TENM3: variants seen among roughly 807,000 people sequenced by gnomAD.
TENM3 encodes the protein teneurin transmembrane protein 3.
Under a neutral mutation model 255.1 loss-of-function variants are expected in TENM3, and 63 were observed. The observed-to-expected ratio is 0.25, with a 90% CI of 0.20 to 0.30. The LOEUF (loss-of-function observed/expected upper bound fraction) is 0.30. TENM3 is among the 10% of genes least tolerant of loss of function. TENM3 has a pLI of 1.00. For missense variants in TENM3, 2,929 were observed against 3,461.1 expected (o/e 0.85, Z 3.86); for synonymous variants, 1,306 against 1,322.3 (o/e 0.99, Z 0.27).
intron 3 of TENM3, among the ~76,000 whole-genome samples, chr4:182,359,555 C>T (rs1465118825): frequency 1.3e-4 from 19 of 149,868 alleles, no homozygotes; most frequent in Non-Finnish European, 2.2e-4. Context: ...TCTGTGGGAT[C>T]GGTGGTGATA....
the TENM3 span, among the ~76,000 whole-genome samples, chr4:181,993,938 G>C: frequency 6.6e-6 from 1 of 152,002 alleles, no homozygotes; most frequent in Admixed American, 6.6e-5. Context: ...GAAGACTTAG[G>C]GGAAATATTA....
At chr4:181,676,906 A>ACC in the TENM3 span, among the ~76,000 whole-genome samples, 1 of 151,430 alleles carries the variant, frequency 6.6e-6, no homozygotes, top group Admixed American at 6.6e-5. Context: ...TTCATTCATG[A>ACC]CCCACCTTAT....
the TENM3 span, among the ~76,000 whole-genome samples, chr4:182,024,993 C>A: frequency 6.6e-6 from 1 of 150,756 alleles, no homozygotes; most frequent in South Asian, 2.1e-4. Context: ...CCAGTTCCAT[C>A]CATGTTGTTG....
intron 1 of TENM3, among the ~76,000 whole-genome samples, chr4:182,159,653 G>A (rs955124294): frequency 8.5e-5 from 13 of 152,096 alleles, no homozygotes; most frequent in African/African-American, 2.7e-4. Context: ...ATGGATCCCT[G>A]GCTTGCCAAG....
the TENM3 span, among the ~76,000 whole-genome samples, chr4:181,528,782 G>A: frequency 3.3e-5 from 5 of 152,296 alleles, no homozygotes; most frequent in Admixed American, 3.3e-4. Flanking sequence ...CCTAGTGCAA[G>A]TGTGCATACA....
chr4:182,728,864 A>T, intron 13 of TENM3, 101 bp from the exon 14 acceptor site: 2 of 801,992 alleles, frequency 2.5e-6, no homozygotes, highest in Non-Finnish European at 3.8e-6. Context: ...GGGAGAAATC[A>T]CTTGATGTGA....
chr4:182,415,222 T>C (rs1770282981), intron 3 of TENM3, among the ~76,000 whole-genome samples: 1 of 152,336 alleles, frequency 6.6e-6, no homozygotes, highest in Non-Finnish European at 1.5e-5. Context: ...TCAAGCCTCA[T>C]GGCACATTTG....
At chr4:182,234,135 T>C (rs544609646) in intron 1 of TENM3, among the ~76,000 whole-genome samples, 8 of 152,304 alleles carry the variant, frequency 5.3e-5, no homozygotes, top group Admixed American at 5.2e-4. Flanking sequence ...TCATGGCACC[T>C]GTCAGTTCTT....
chr4:181,644,838 A>G, the TENM3 span, among the ~76,000 whole-genome samples: 1 of 152,186 alleles, frequency 6.6e-6, no homozygotes, highest in Non-Finnish European at 1.5e-5. Flanking sequence ...CCTGGAATGT[A>G]GCTAAAGAAA....
At position 182,789,043 on chromosome 4, in the gene TENM3, G is replaced by A. The variant is rs77672009; in HGVS notation, c.5305-50G>A. 55 of 1,478,806 alleles carry A rather than the reference G, an allele frequency of 3.7e-5. No homozygotes were observed. In the East Asian group the frequency reaches 8.2e-4, roughly 22 times the overall value. 91.6% of individuals were successfully genotyped at this position (1,478,806 alleles called of 1,614,324 possible). A position where few individuals can be genotyped will look rare whatever the true frequency, so the allele number is the denominator to read the frequency against. ...GTGTTTAAACAATACTGGGGACTCC[G>A]GTGTTGGAATAACATGATTTATTTT... On this transcript the variant is annotated intron_variant, in intron 24 of 27. Coordinates refer to ENST00000511685, the MANE Select transcript of TENM3 (RefSeq NM_001080477.4). This position sits in a 1 kb window ranked among gnomAD's most constrained non-coding sequence, Gnocchi z 4.4.
At chr4:181,899,527 T>C in the TENM3 span, among the ~76,000 whole-genome samples, 3 of 152,100 alleles carry the variant, frequency 2.0e-5, no homozygotes. Context: ...TTATTTGTTT[T>C]GTTGTTTTGT....
chr4:182,411,095 G>C (rs1580449423), intron 3 of TENM3, among the ~76,000 whole-genome samples: 1 of 152,256 alleles, frequency 6.6e-6, no homozygotes, highest in Non-Finnish European at 1.5e-5. Context: ...GTAATGGTTG[G>C]ATACGTGGAC....
the TENM3 span, among the ~76,000 whole-genome samples, chr4:182,118,473 G>A: frequency 6.6e-6 from 1 of 151,970 alleles, no homozygotes; most frequent in East Asian, 1.9e-4. Context: ...AGAGATGGGG[G>A]TCTAGCTATG....
chr4:182,553,379 G>A (rs896127638), intron 3 of TENM3, among the ~76,000 whole-genome samples: 17 of 127,460 alleles, frequency 1.3e-4, no homozygotes, highest in African/African-American at 4.4e-4. Context: ...GGAGCCTGTC[G>A]TGGGGTGGGG....
At chr4:182,166,238 T>C (rs929854312) in intron 1 of TENM3, among the ~76,000 whole-genome samples, 1 of 152,218 alleles carries the variant, frequency 6.6e-6, no homozygotes, top group African/African-American at 2.4e-5. Flanking sequence ...TCAGGCACAT[T>C]TGCAGCTTTC....
the TENM3 span, among the ~76,000 whole-genome samples, chr4:181,511,508 C>T: frequency 0.091 from 13,826 of 152,156 alleles, 729 homozygotes; most frequent in Non-Finnish European, 0.11. Context: ...TCGTAAGAGA[C>T]ATTTGTTTGG....
chr4:181,527,697 A>T, the TENM3 span, among the ~76,000 whole-genome samples: 1 of 151,530 alleles, frequency 6.6e-6, no homozygotes, highest in Non-Finnish European at 1.5e-5. Flanking sequence ...ATACATATGT[A>T]TATATGAAAG....
chr4:182,796,558 CTTT>C (rs1312147979), intron 26 of TENM3, 76 bp from the exon 27 acceptor site: 18 of 1,311,996 alleles, frequency 1.4e-5, no homozygotes, highest in Non-Finnish European at 1.8e-5. Context: ...ATTGGATTTT[CTTT>C]TTAAGGTAAG....
At chr4:182,435,124 C>T (rs1333603821) in intron 3 of TENM3, among the ~76,000 whole-genome samples, 1 of 152,078 alleles carries the variant, frequency 6.6e-6, no homozygotes, top group Non-Finnish European at 1.5e-5. Context: ...AGTAACTGTC[C>T]GTTCTGGGGG....
Sources: allele counts gnomAD v4.1 joint callset (sites outside exome capture counted in the v4.1 genomes callset), GRCh38; gene constraint gnomAD v4.1.1; non-coding constraint Gnocchi (gnomAD v3.1); transcripts MANE v1.5; gene names NCBI Gene and HGNC (gene_info 2026-07-23, HGNC 2026-07-21).